The following PYGO1 variants were observed in gnomAD, a reference collection of about 807,000 sequenced individuals.
PYGO1 encodes the protein pygopus family PHD finger 1, also known as pygopus homolog 1.
In PYGO1, 6 loss-of-function variants were observed where a neutral mutation model predicts 29.5. That is an observed-to-expected ratio of 0.20 (90% CI 0.11 to 0.40). The LOEUF (loss-of-function observed/expected upper bound fraction) is 0.40. Ranked by LOEUF, PYGO1 falls within the 10% of genes least tolerant of loss-of-function variation. The pLI is 1.00. For synonymous variants in PYGO1, 186 were observed against 180.5 expected (o/e 1.03, Z -0.24); for missense variants, 515 against 514.9 (o/e 1.00, Z 0.00).
At chr15:55,565,251 TG>T (rs2058950217) in intron 1 of PYGO1, among the ~76,000 whole-genome samples, 1 of 152,090 alleles carries the variant, frequency 6.6e-6, no homozygotes, top group African/African-American at 2.4e-5. Context: ...GACATCTTGG[TG>T]GTCATCTTAG....
At position 55,546,516 on chromosome 15, in the gene PYGO1, T is replaced by G. The variant is rs769843743; in HGVS notation, c.767A>C (p.His256Pro). The G allele has an allele frequency of 1.1e-5, 17 of 1,614,062 alleles. No individual in the cohort carries two copies. In the African/African-American group the frequency reaches 2.3e-4, roughly 22 times the overall value. The change falls in exon 3 of 3, where the codon CAT becomes CCT. Residue 256 changes from histidine (H) to proline (P), a missense_variant. Physicochemically the swap from His to Pro is moderately conservative, Grantham distance 77 (BLOSUM62 -2). Coordinates refer to ENST00000563719, the MANE Select transcript of PYGO1 (RefSeq NM_001367806.1). ...GTCATCCATATTCAAGTGAGGTGGA[T>G]GAGCAGAGGAATTTTGATTAGTGTT... ...TKNTNQNSSA[H>P]PPHLNMDDTV...
At position 55,543,859 on chromosome 15, in the gene PYGO1, T is replaced by C. The variant is rs758777677; in HGVS notation, c.*2164A>G. On this transcript the variant is annotated 3_prime_UTR_variant, in exon 3 of 3. Coordinates refer to ENST00000563719, the MANE Select transcript of PYGO1 (RefSeq NM_001367806.1). Reference sequence around the variant, plus strand: ...ATCATTTATTAAAAATCAGCACTCATTAAACTTTCAGGAGCAACATAACTA... The same window carrying C: ...ATCATTTATTAAAAATCAGCACTCACTAAACTTTCAGGAGCAACATAACTA... 2.6e-5 allele frequency: 4 copies of C among 152,186 alleles called. No homozygotes were observed. Among genetic ancestry groups the C allele is most frequent in the Admixed American group, 6.5e-5 (1 of 15,276 alleles). The allele number at this position is 152,186 out of a possible 1,614,324, so 9.4% of individuals were successfully genotyped here.
At chr15:55,575,671 T>C (rs1042630455) in intron 1 of PYGO1, among the ~76,000 whole-genome samples, 5 of 152,182 alleles carry the variant, frequency 3.3e-5, no homozygotes, top group Non-Finnish European at 7.4e-5. Context: ...CTATCCTGCA[T>C]TGGCAGTTTG....
At chr15:55,575,000 G>A (rs1455815248) in intron 1 of PYGO1, among the ~76,000 whole-genome samples, 1 of 152,152 alleles carries the variant, frequency 6.6e-6, no homozygotes, top group Non-Finnish European at 1.5e-5. Flanking sequence ...ACTGGGATAA[G>A]CACTTTATAT....
chr15:55,576,349 G>A (rs1281421032), intron 1 of PYGO1, among the ~76,000 whole-genome samples: 1 of 145,922 alleles, frequency 6.9e-6, no homozygotes, highest in East Asian at 2.1e-4. Context: ...CCAGCTACTT[G>A]GGAGGCTGAG....
At chr15:55,551,811 A>G (rs949712050) in intron 1 of PYGO1, among the ~76,000 whole-genome samples, 1 of 152,154 alleles carries the variant, frequency 6.6e-6, no homozygotes, top group Non-Finnish European at 1.5e-5. Context: ...CAACTAAAAA[A>G]AAGAACACAG....
rs753341877 is a variant in PYGO1 at position 55,546,588 on chromosome 15, G to A, written c.695C>T (p.Ala232Val). ...FIPPPNTFGQ[A>V]KAPPPKQDFT... ...GTCTTGTTTTGGGGGTGGTGCTTTT[G>A]CTTGACCAAAAGTGTTTGGGGGAGG... Residue 232 changes from alanine (A) to valine (V), a missense_variant, in exon 3 of 3, where the codon GCA (alanine) becomes GTA (valine). Ala to Val is a moderately conservative substitution (Grantham distance 64). Transcript: ENST00000563719. 1 of 1,613,806 alleles carries A rather than the reference G, an allele frequency of 6.2e-7. No individual in the cohort carries two copies. The highest frequency in any genetic ancestry group is 1.3e-5 in the African/African-American group (1 of 74,840).
intron 1 of PYGO1, among the ~76,000 whole-genome samples, chr15:55,574,721 T>G (rs1483440450): frequency 6.6e-6 from 1 of 152,182 alleles, no homozygotes; most frequent in African/African-American, 2.4e-5. Flanking sequence ...TAAAGATATC[T>G]TTATAAGGAC....
chr15:55,563,198 ACT>A (rs1481690966), intron 1 of PYGO1, among the ~76,000 whole-genome samples: 2 of 152,086 alleles, frequency 1.3e-5, no homozygotes, highest in African/African-American at 2.4e-5. Flanking sequence ...AAATAATAAG[ACT>A]CTGATGAGAG....
rs1311510701 is a variant in PYGO1, at chr15:55,543,323, C to T, written c.*2700G>A. 1 of 152,148 alleles carries T rather than the reference C, an allele frequency of 6.6e-6. No homozygotes were observed. Among genetic ancestry groups the T allele is most frequent in the East Asian group, 1.9e-4 (1 of 5,200 alleles). The allele number at this position is 152,148 out of a possible 1,614,324, so 9.4% of individuals were successfully genotyped here. On this transcript the variant is annotated 3_prime_UTR_variant, in exon 3 of 3. Coordinates refer to ENST00000563719, the MANE Select transcript of PYGO1 (RefSeq NM_001367806.1). Reference sequence around the variant, plus strand: ...CCAAAAGCATCTATATAACTTTTGACTTAGCATTATGTAGAGACAAATGTA... The same window carrying T: ...CCAAAAGCATCTATATAACTTTTGATTTAGCATTATGTAGAGACAAATGTA...
chr15:55,563,525 T>C (rs1262398454), intron 1 of PYGO1, among the ~76,000 whole-genome samples: 4 of 152,138 alleles, frequency 2.6e-5, no homozygotes, highest in Admixed American at 1.3e-4. Context: ...CTAATTTTTA[T>C]ATTTTTAGTA....
At chr15:55,547,804 C>A (rs2058859405) in intron 2 of PYGO1, among the ~76,000 whole-genome samples, 1 of 151,990 alleles carries the variant, frequency 6.6e-6, no homozygotes, top group Non-Finnish European at 1.5e-5. Context: ...ACAGTGAGAG[C>A]CTGTATATAT....
upstream of PYGO1, chr15:55,588,853 G>A (rs557887675): frequency 3.1e-6 from 5 of 1,613,836 alleles, no homozygotes; most frequent in South Asian, 5.5e-5. Context: ...CGGCGGGCAT[G>A]TGGGGATCCA....
At chr15:55,571,793 A>G (rs1320219033) in intron 1 of PYGO1, among the ~76,000 whole-genome samples, 2 of 151,830 alleles carry the variant, frequency 1.3e-5, no homozygotes, top group Non-Finnish European at 2.9e-5. Flanking sequence ...AATACATCCT[A>G]TTTTCAATTT....
intron 1 of PYGO1, among the ~76,000 whole-genome samples, chr15:55,576,110 G>A (rs114410678): frequency 6.6e-6 from 1 of 152,118 alleles, no homozygotes; most frequent in Non-Finnish European, 1.5e-5. Flanking sequence ...AGTCCCATCA[G>A]CCAGAAACTA....
intron 1 of PYGO1, among the ~76,000 whole-genome samples, chr15:55,582,352 A>G (rs758350180): frequency 1.1e-4 from 17 of 152,270 alleles, no homozygotes; most frequent in Non-Finnish European, 2.2e-4. Context: ...TCATGGATAG[A>G]AACATTTTAT....
intron 1 of PYGO1, among the ~76,000 whole-genome samples, chr15:55,577,454 T>C (rs1238850732): frequency 1.3e-5 from 2 of 152,184 alleles, no homozygotes; most frequent in Non-Finnish European, 2.9e-5. Flanking sequence ...ATAAACTTTC[T>C]AAATTGATTG....
Position 55,542,267 on chromosome 15 carries a change from T to C in PYGO1, c.*3756A>G, listed in dbSNP as rs1046161683. ...GGATTAAAGTTGGCAGATTTTATGATGACCCACACTATTAAGAGGTTTTTC... is the reference window on the plus strand; with the variant it reads ...GGATTAAAGTTGGCAGATTTTATGACGACCCACACTATTAAGAGGTTTTTC... On this transcript the variant is annotated 3_prime_UTR_variant, in exon 3 of 3. Coordinates refer to ENST00000563719, the MANE Select transcript of PYGO1 (RefSeq NM_001367806.1). 6.6e-6 allele frequency: 1 copy of C among 152,254 alleles called. No homozygotes were observed. The highest frequency in any genetic ancestry group is 1.5e-5 in the Non-Finnish European group (1 of 68,052). The allele number at this position is 152,254 out of a possible 1,614,324, so 9.4% of individuals were successfully genotyped here. A position where few individuals can be genotyped will look rare whatever the true frequency, so the allele number is the denominator to read the frequency against.
intron 1 of PYGO1, among the ~76,000 whole-genome samples, chr15:55,552,582 T>C (rs1002733070): frequency 6.6e-6 from 1 of 151,416 alleles, no homozygotes; most frequent in Non-Finnish European, 1.5e-5. Flanking sequence ...AAGCCCCACC[T>C]CCAGCCAAGG....
Sources: allele counts gnomAD v4.1 joint callset (sites outside exome capture counted in the v4.1 genomes callset), GRCh38; gene constraint gnomAD v4.1.1; transcripts MANE v1.5; gene names NCBI Gene and HGNC (gene_info 2026-07-23, HGNC 2026-07-21).